The following ECHDC3 variants were observed in gnomAD, a reference collection of about 807,000 sequenced individuals.
The protein encoded by ECHDC3 is enoyl-CoA hydratase domain-containing protein 3, mitochondrial.
A neutral mutation model predicts 17.9 loss-of-function variants in ECHDC3; 20 were observed. The ratio of observed to expected loss-of-function variants is 1.12; its 90% CI spans 0.79 to 1.63. The LOEUF (loss-of-function observed/expected upper bound fraction) is 1.63. Ranked by LOEUF, ECHDC3 falls within the 40% of genes most tolerant of loss-of-function variation. ECHDC3 has a pLI of 0.00. For missense variants in ECHDC3, 407 were observed against 357.7 expected (o/e 1.14, Z -1.11); for synonymous variants, 177 against 149.7 (o/e 1.18, Z -1.33).
At chr10:11,761,363 C>G (rs1286616264) in intron 4 of ECHDC3, among the ~76,000 whole-genome samples, 1 of 152,126 alleles carries the variant, frequency 6.6e-6, no homozygotes, top group Admixed American at 6.5e-5. Flanking sequence ...CAGGACAGCC[C>G]CCACCCTCCC....
At chr10:11,751,317 T>C (rs1005057800) in intron 3 of ECHDC3, among the ~76,000 whole-genome samples, 5 of 152,176 alleles carry the variant, frequency 3.3e-5, no homozygotes, top group Admixed American at 6.5e-5. Flanking sequence ...CCCCTAACCC[T>C]TGGAGGCCTC....
At chr10:11,746,101 G>A (rs1299520879) in intron 1 of ECHDC3, among the ~76,000 whole-genome samples, 3 of 152,124 alleles carry the variant, frequency 2.0e-5, no homozygotes, top group African/African-American at 2.4e-5. Flanking sequence ...GCTGAGGCGG[G>A]TGTATCACCT....
chr10:11,751,055 T>G (rs949688013), intron 3 of ECHDC3, among the ~76,000 whole-genome samples: 2 of 152,244 alleles, frequency 1.3e-5, no homozygotes, highest in Non-Finnish European at 2.9e-5. Flanking sequence ...ACATTAATGA[T>G]GTTTATGTAA....
At chr10:11,756,803 C>G (rs1832890456) in intron 4 of ECHDC3, among the ~76,000 whole-genome samples, 1 of 151,168 alleles carries the variant, frequency 6.6e-6, no homozygotes, top group Admixed American at 6.6e-5. Context: ...GGCTGGAGTA[C>G]AGTGGCGCTA....
chr10:11,761,262 C>A (rs1464486768), intron 4 of ECHDC3, among the ~76,000 whole-genome samples: 1 of 152,218 alleles, frequency 6.6e-6, no homozygotes, highest in Non-Finnish European at 1.5e-5. Context: ...TACCTGGAGA[C>A]ATTCTTGATT....
intron 4 of ECHDC3, among the ~76,000 whole-genome samples, chr10:11,762,136 G>A (rs749961189): frequency 2.0e-5 from 3 of 152,030 alleles, no homozygotes; most frequent in Non-Finnish European, 4.4e-5. Context: ...ATAAACAAAC[G>A]TGAAATATAT....
chr10:11,755,227 G>A, intron 3 of ECHDC3, 181 bp from the exon 4 acceptor site: 1 of 557,430 alleles, frequency 1.8e-6, no homozygotes, highest in Non-Finnish European at 3.1e-6. Flanking sequence ...TCAGGAGGCT[G>A]AGGCAGGAGG....
At chr10:11,748,601 A>G (rs1354625486) in intron 2 of ECHDC3, among the ~76,000 whole-genome samples, 1 of 152,104 alleles carries the variant, frequency 6.6e-6, no homozygotes, top group Non-Finnish European at 1.5e-5. Context: ...AGATAACTAC[A>G]ACAGCCAGGC....
chr10:11,758,148 G>A (rs1832905118), intron 4 of ECHDC3, among the ~76,000 whole-genome samples: 1 of 152,168 alleles, frequency 6.6e-6, no homozygotes, highest in African/African-American at 2.4e-5. Flanking sequence ...CTGGAGACTG[G>A]GGCAGAAACT....
chr10:11,754,835 GCTTAGTGTC>G (rs1189369498), intron 3 of ECHDC3, among the ~76,000 whole-genome samples: 1 of 152,222 alleles, frequency 6.6e-6, no homozygotes, highest in Non-Finnish European at 1.5e-5. Flanking sequence ...CCCCCACCAA[GCTTAGTGTC>G]CTTGTTGTAC....
intron 3 of ECHDC3, among the ~76,000 whole-genome samples, chr10:11,751,581 AT>A (rs1054185279): frequency 1.2e-4 from 18 of 152,366 alleles, no homozygotes; most frequent in African/African-American, 4.1e-4. Flanking sequence ...GGATAGAGGT[AT>A]CTGAATTAGC....
intron 3 of ECHDC3, among the ~76,000 whole-genome samples, chr10:11,750,750 C>G (rs184945458): frequency 6.6e-6 from 1 of 152,316 alleles, no homozygotes; most frequent in Non-Finnish European, 1.5e-5. Flanking sequence ...TAACCTGCCT[C>G]TAAGATAGTT....
intron 2 of ECHDC3, among the ~76,000 whole-genome samples, chr10:11,748,120 A>G (rs4747936): frequency 0.93 from 142,101 of 152,280 alleles, 67,153 homozygotes; most frequent in East Asian, 1. Context: ...ATGGTTAATC[A>G]AAAGTGTTCA....
chr10:11,742,789 C>A (rs955630849), intron 1 of ECHDC3, 43 bp downstream of exon 1: 2 of 1,224,176 alleles, frequency 1.6e-6, no homozygotes, highest in Middle Eastern at 3.1e-4. Context: ...GGTGCCGAGT[C>A]GGGGTCAGGG....
intron 1 of ECHDC3, chr10:11,742,951 C>T (rs571452506): frequency 4.2e-6 from 2 of 477,138 alleles, no homozygotes; most frequent in Non-Finnish European, 3.3e-6. Flanking sequence ...GCTCCAAAGC[C>T]CTCAGGGCAG....
In ECHDC3 at chr10:11,750,333, G is replaced by T. The variant is rs551752437; in HGVS notation, c.390+741G>T. 1.9e-4 allele frequency among the ~76,000 whole-genome samples: 29 copies of T among 152,240 alleles called. 1 individual carries two copies. The highest frequency in any genetic ancestry group is 3.8e-4 in the Non-Finnish European group (26 of 67,996). On this transcript the variant is annotated intron_variant, in intron 3 of 4. Coordinates refer to ENST00000379215, the MANE Select transcript of ECHDC3 (RefSeq NM_024693.5). ...TAAAACAACTCTATTAAATGGGAAA[G>T]AACATTAATAAATGGAATAACAATA...
At chr10:11,755,892 G>A (rs181452924) in intron 4 of ECHDC3, among the ~76,000 whole-genome samples, 7 of 152,338 alleles carry the variant, frequency 4.6e-5, no homozygotes, top group Admixed American at 2.0e-4. Flanking sequence ...TAGGTTTGCC[G>A]ATTAGTTTTG....
In ECHDC3 at chr10:11,755,408, G is replaced by C; in HGVS notation, c.391G>C (p.Val131Leu). 2 of 1,608,818 alleles carry C rather than the reference G, an allele frequency of 1.2e-6. No homozygotes were observed. Among genetic ancestry groups the C allele is most frequent in the African/African-American group, 1.3e-5 (1 of 74,874 alleles). The change falls in exon 4 of 5, where the codon GTC becomes CTC. Residue 131 changes from valine to leucine, a missense_variant and splice_region_variant. Val to Leu is a conservative substitution (Grantham distance 32, BLOSUM62 1). Transcript: ENST00000379215. ...TGAAGTAGGTGTGTTTGTCCCGCAG[G>C]TCATGATGCACATCCGGAACCACCC... ...HAEVFQTCSKVMMHIRNHPVP... is the reference protein window; with the variant it reads ...HAEVFQTCSKLMMHIRNHPVP...
intron 4 of ECHDC3, among the ~76,000 whole-genome samples, chr10:11,761,857 C>T (rs760930491): frequency 5.3e-5 from 8 of 152,236 alleles, no homozygotes; most frequent in Non-Finnish European, 1.0e-4. Context: ...CTCTCTCCTT[C>T]CTTCCCTCAT....
Sources: allele counts gnomAD v4.1 joint callset (sites outside exome capture counted in the v4.1 genomes callset), GRCh38; gene constraint gnomAD v4.1.1; transcripts MANE v1.5; gene names NCBI Gene and HGNC (gene_info 2026-07-23, HGNC 2026-07-21).